IQSEC3: variants seen among roughly 807,000 people sequenced by gnomAD.
IQSEC3 encodes IQ motif and SEC7 domain-containing protein 3.
A neutral mutation model predicts 105.4 loss-of-function variants in IQSEC3; 50 were observed. The observed-to-expected ratio is 0.47, with a 90% CI of 0.38 to 0.60. The LOEUF (loss-of-function observed/expected upper bound fraction) is 0.60, where lower values mean the gene tolerates loss of function less well. Ranked by LOEUF, IQSEC3 falls within the 20% of genes least tolerant of loss-of-function variation. The probability of loss-of-function intolerance (pLI) is 0.00; values close to 1 mark genes in which losing one functional copy is unlikely to be tolerated. For missense variants in IQSEC3, 1,415 were observed against 1,630.0 expected, an observed-to-expected ratio of 0.87 and a Z score of 2.27; for synonymous variants, 708 against 746.0, an observed-to-expected ratio of 0.95 and a Z score of 0.83.
chr12:173,129 C>G (rs552468382), intron 13 of IQSEC3, among the ~76,000 whole-genome samples: 72 of 152,188 alleles, frequency 4.7e-4, no homozygotes, highest in Non-Finnish European at 8.5e-4. Flanking sequence ...CCCGTGCCCT[C>G]CAGCGGCTTC....
chr12:104,973 C>T (rs1030177280), intron 2 of IQSEC3, among the ~76,000 whole-genome samples: 1 of 152,264 alleles, frequency 6.6e-6, no homozygotes, highest in Non-Finnish European at 1.5e-5. Flanking sequence ...GTGCCTGCTC[C>T]GGGAGTCGCA....
At chr12:128,379 A>G (rs543720674) in intron 3 of IQSEC3, among the ~76,000 whole-genome samples, 2 of 152,284 alleles carry the variant, frequency 1.3e-5, no homozygotes, top group Admixed American at 6.5e-5. Flanking sequence ...ACTTAGTGAC[A>G]TAAAGGGGGA....
chr12:171,030 G>A, intron 12 of IQSEC3, 82 bp from the exon 13 acceptor site: 1 of 1,557,278 alleles, frequency 6.4e-7, no homozygotes, highest in Non-Finnish European at 8.8e-7. Flanking sequence ...CTTAGCTGCA[G>A]AGATGCTTGA....
intron 5 of IQSEC3, 151 bp from the exon 6 acceptor site, chr12:156,874 G>C: frequency 1.1e-6 from 1 of 930,492 alleles, no homozygotes; most frequent in East Asian, 3.2e-5. Flanking sequence ...GGAGGAGATG[G>C]TCCTCTTGGG....
At chr12:150,056 T>G (rs1269142089) in intron 5 of IQSEC3, among the ~76,000 whole-genome samples, 1 of 152,140 alleles carries the variant, frequency 6.6e-6, no homozygotes, top group African/African-American at 2.4e-5. Flanking sequence ...CTACTGCTGT[T>G]AACAGCCATG....
At chr12:125,995 C>A in intron 3 of IQSEC3, 83 bp downstream of exon 3, 2 of 1,342,242 alleles carry the variant, frequency 1.5e-6, no homozygotes, top group Non-Finnish European at 2.0e-6. Context: ...GGGATATCCC[C>A]GCTGGGTCCC....
At chr12:115,959 A>G (rs782057731) in intron 2 of IQSEC3, among the ~76,000 whole-genome samples, 2 of 152,248 alleles carry the variant, frequency 1.3e-5, no homozygotes, top group Admixed American at 1.3e-4. Flanking sequence ...ACAGCAAGCT[A>G]AAGGGTTGTC....
chr12:103,611 G>A (rs1339760584), intron 2 of IQSEC3, among the ~76,000 whole-genome samples: 5 of 21,244 alleles, frequency 2.4e-4, no homozygotes, highest in Admixed American at 5.5e-4. Flanking sequence ...GGGCTCAGGA[G>A]GGAGAGGTGG....
At chr12:116,524 G>T (rs1555080658) in intron 2 of IQSEC3, among the ~76,000 whole-genome samples, 2 of 152,248 alleles carry the variant, frequency 1.3e-5, no homozygotes. Context: ...AAGGGCTGGG[G>T]TGTAGAGGGC....
chr12:126,544 G>GGTGTGTGTGTGTGTGTGTGTGTGT (rs56871643), intron 3 of IQSEC3, among the ~76,000 whole-genome samples: 8 of 145,832 alleles, frequency 5.5e-5, no homozygotes, highest in East Asian at 4.1e-4. Flanking sequence ...CTTGATGGAA[G>GGTGTGTGTGTGTGTGTGTGTGTGT]GTGTGTGTGT....
intron 2 of IQSEC3, among the ~76,000 whole-genome samples, chr12:116,498 G>A (rs989352865): frequency 2.0e-5 from 3 of 152,216 alleles, no homozygotes; most frequent in Non-Finnish European, 4.4e-5. Flanking sequence ...GGAACCTATT[G>A]CTTACTCAGG....
At chr12:107,491 G>C (rs898024073) in intron 2 of IQSEC3, among the ~76,000 whole-genome samples, 9 of 130,106 alleles carry the variant, frequency 6.9e-5, no homozygotes, top group Admixed American at 2.9e-4. Flanking sequence ...CTCACTGCAA[G>C]CTCCGCCTCC....
chr12:170,726 C>T (rs1938939746), intron 12 of IQSEC3, among the ~76,000 whole-genome samples: 1 of 152,242 alleles, frequency 6.6e-6, no homozygotes, highest in African/African-American at 2.4e-5. Flanking sequence ...AGCCAGTCTG[C>T]AGGGCTGGAG....
At chr12:99,111 T>C (rs782362442) in intron 1 of IQSEC3, 35 bp from the exon 2 acceptor site, 73 of 1,583,004 alleles carry the variant, frequency 4.6e-5, no homozygotes, top group Non-Finnish European at 6.2e-5. Flanking sequence ...CCAGCCTGCC[T>C]CAGGCGCTCT....
chr12:168,595 G>A (rs1938800998), intron 11 of IQSEC3, among the ~76,000 whole-genome samples: 1 of 152,214 alleles, frequency 6.6e-6, no homozygotes, highest in South Asian at 2.1e-4. Context: ...GCCAGGCCTT[G>A]TGCTTTATGT....
At chr12:164,520 T>G (rs1867078275) in intron 9 of IQSEC3, 1 of 152,314 alleles carries the variant, frequency 6.6e-6, no homozygotes, top group Non-Finnish European at 1.5e-5. Context: ...GACCTTGCAC[T>G]CTCCTCTTGC....
chr12:125,866 CTGCCGCCTCCG>C lies in IQSEC3; in HGVS notation c.858_868del (p.Ala287LeufsTer6). 1 of 1,533,796 alleles carries C rather than the reference CTGCCGCCTCCG, an allele frequency of 6.5e-7. No homozygotes were observed. Among genetic ancestry groups the C allele is most frequent in the Non-Finnish European group, 8.7e-7 (1 of 1,146,480 alleles). ...GCGACGGCGCTGTGCCCCCACGCCC[CTGCCGCCTCCG>C]ATTACGAACTCTCCCTTGACCTAAA... On this transcript the variant is annotated frameshift_variant, in exon 3 of 14. Coordinates refer to ENST00000538872, the MANE Select transcript of IQSEC3 (RefSeq NM_001170738.2). LOFTEE classifies it high-confidence loss of function.
intron 11 of IQSEC3, among the ~76,000 whole-genome samples, chr12:168,122 A>G (rs1376448801): frequency 6.6e-6 from 1 of 152,196 alleles, no homozygotes; most frequent in African/African-American, 2.4e-5. Context: ...TAATAAAAGG[A>G]ACTTGAGTTA....
chr12:167,349 C>T (rs1232076257), intron 11 of IQSEC3: 1 of 152,354 alleles, frequency 6.6e-6, no homozygotes, highest in African/African-American at 2.4e-5. Context: ...CACTTTCCCC[C>T]ATCAGCCCAG....
Sources: gnomAD v4.1 joint callset for allele counts (sites outside exome capture counted in the v4.1 genomes callset) on GRCh38, gnomAD v4.1.1 for gene constraint, MANE v1.5 for transcripts, NCBI Gene and HGNC (gene_info 2026-07-23, HGNC 2026-07-21) for gene names.